RRP12: variants seen among roughly 807,000 people sequenced by gnomAD.
RRP12 encodes the protein ribosomal RNA processing 12 homolog.
RRP12 carries 78 observed loss-of-function variants against 157.3 expected under a neutral mutation model. The ratio of observed to expected loss-of-function variants is 0.50; its 90% CI spans 0.41 to 0.60. The LOEUF is 0.60. Among genes scored for constraint, RRP12 ranks in the 20% least tolerant of loss-of-function variants. RRP12 has a pLI of 0.00. For synonymous variants in RRP12, 726 were observed against 670.9 expected (o/e 1.08, Z -1.27); for missense variants, 1,521 against 1,679.9 (o/e 0.91, Z 1.65).
intron 3 of RRP12, 70 bp from the exon 4 acceptor site, chr10:97,393,830 G>T: frequency 7.9e-7 from 1 of 1,270,690 alleles, no homozygotes; most frequent in South Asian, 1.2e-5. Flanking sequence ...GAGAGTGGGG[G>T]AACATGTGCC....
At chr10:97,396,930 A>G (rs1844979600) in intron 2 of RRP12, among the ~76,000 whole-genome samples, 1 of 151,662 alleles carries the variant, frequency 6.6e-6, no homozygotes, top group Admixed American at 6.6e-5. Flanking sequence ...ATGCCCAGCT[A>G]ATTTCTGTAT....
rs767531906 is a variant in RRP12 at position 97,358,940 on chromosome 10, T to C, written c.3708+3A>G. On this transcript the variant is annotated splice_donor_region_variant and intron_variant, in intron 32 of 33. Coordinates refer to ENST00000370992, the MANE Select transcript of RRP12 (RefSeq NM_015179.4). ...GACCCCATGCCCTACATGCAGCACT[T>C]ACCTTGGCCTTGTATTCAGCCCCAG... is the stretch of plus-strand genomic sequence containing the variant. The C allele has an allele frequency of 1.2e-6, 2 of 1,612,810 alleles. No individual in the cohort carries two copies. Among genetic ancestry groups the C allele is most frequent in the Middle Eastern group, 3.3e-4 (2 of 6,062 alleles).
intron 25 of RRP12, 21 bp from the exon 26 acceptor site, chr10:97,367,153 C>T (rs954035338): frequency 1.2e-6 from 2 of 1,609,758 alleles, no homozygotes; most frequent in Non-Finnish European, 1.7e-6. Context: ...GAGCACCAGG[C>T]TTTCAGGGAG....
intron 8 of RRP12, 122 bp downstream of exon 8, chr10:97,388,129 GT>G: frequency 1.5e-6 from 2 of 1,321,056 alleles, no homozygotes. Flanking sequence ...AGTGCTGTTG[GT>G]TTTAGCTTAA....
intron 6 of RRP12, among the ~76,000 whole-genome samples, chr10:97,388,838 A>G (rs1844713890): frequency 6.6e-6 from 1 of 152,210 alleles, no homozygotes; most frequent in Non-Finnish European, 1.5e-5. Context: ...CTGCTCTACA[A>G]CTAACTCACC....
chr10:97,369,494 T>A lies in RRP12; in HGVS notation c.2886A>T (p.Ala962=). ...ASRTRDVVKS[A]LGFIKVAVTV... is the part of the protein sequence containing the mutation. ...TCACTGCCACCTTGATGAAGCCCAG[T>A]GCAGACTTGACCACGTCACGGGTGC... is the stretch of plus-strand genomic sequence containing the variant. Residue 962 remains alanine, a synonymous_variant, in exon 25 of 34, where the codon GCA becomes GCT. Transcript: ENST00000370992. 6.2e-7 allele frequency: 1 copy of A among 1,610,094 alleles called. No individual in the cohort carries two copies. Among genetic ancestry groups the A allele is most frequent in the Non-Finnish European group, 8.5e-7 (1 of 1,178,304 alleles).
Position 97,381,739 on chromosome 10 carries a change from C to T in RRP12, c.1296G>A (p.Leu432=), listed in dbSNP as rs1290338980. Reference sequence around the variant, plus strand: ...CCTTGAGGCTCTGCGTAGCAGCAGTCAGCACTTGCGAGTGTGGGGAAAGGA... The same window carrying T: ...CCTTGAGGCTCTGCGTAGCAGCAGTTAGCACTTGCGAGTGTGGGGAAAGGA... ...TCLLSPHSQV[L]TAATQSLKEI... is the part of the protein sequence containing the mutation. The change falls in exon 11 of 34, where the codon CTG becomes CTA. Residue 432 remains leucine (L), a synonymous_variant. Coordinates refer to ENST00000370992, the MANE Select transcript of RRP12 (RefSeq NM_015179.4). 6.2e-7 allele frequency: 1 copy of T among 1,614,142 alleles called. No individual in the cohort carries two copies. The highest frequency in any genetic ancestry group is 1.7e-5 in the Admixed American group (1 of 60,022).
chr10:97,379,836 C>T (rs559342210), intron 13 of RRP12, 66 bp from the exon 14 acceptor site: 264 of 1,501,028 alleles, frequency 1.8e-4, no homozygotes, highest in Non-Finnish European at 2.3e-4. Context: ...GACAAGACCC[C>T]GCTGAACGAT....
rs1844134189 is a variant in RRP12 at position 97,370,979 on chromosome 10, C to T, written c.2446G>A (p.Asp816Asn). Residue 816 changes from aspartate (D) to asparagine (N), a missense_variant, in exon 21 of 34, where the codon GAC becomes AAC. Asp to Asn is a conservative substitution (Grantham distance 23, BLOSUM62 1). Coordinates refer to ENST00000370992, the MANE Select transcript of RRP12 (RefSeq NM_015179.4). ...GALFVQSHLE[D>N]LKKTLLDSLR... ...GAGTCCAGCAGTGTCTTCTTCAGGT[C>T]CTCCAGGTGGCTCTGCACGAAGAGG... The T allele has an allele frequency of 2.5e-6, 4 of 1,614,038 alleles. No homozygotes were observed. The highest frequency in any genetic ancestry group is 3.4e-6 in the Non-Finnish European group (4 of 1,179,990).
chr10:97,367,712 C>T (rs566519506), intron 25 of RRP12, among the ~76,000 whole-genome samples: 11 of 152,238 alleles, frequency 7.2e-5, no homozygotes, highest in African/African-American at 2.4e-4. Flanking sequence ...ACTCCCAAAC[C>T]GGCTAGGGGA....
Position 97,373,112 on chromosome 10 carries a change from G to A in RRP12, c.2115C>T (p.Asp705=). 1.2e-6 allele frequency: 2 copies of A among 1,614,132 alleles called. No individual in the cohort carries two copies. Among genetic ancestry groups the A allele is most frequent in the Non-Finnish European group, 1.7e-6 (2 of 1,180,004 alleles). Residue 705 remains aspartate (D), a synonymous_variant, in exon 18 of 34, where the codon GAC becomes GAT. Coordinates refer to ENST00000370992, the MANE Select transcript of RRP12 (RefSeq NM_015179.4). The stretch of plus-strand genomic sequence containing the variant: ...GCACAGCCCGGCGAGGGGCTGGAGT[G>A]TCCCCGGCTGCCACGGGCTGCCCAT... ...NLYGQPVAAG[D]TPAPRRAVLE...
intron 31 of RRP12, among the ~76,000 whole-genome samples, chr10:97,359,610 A>G (rs1843792039): frequency 6.6e-6 from 1 of 152,230 alleles, no homozygotes; most frequent in Admixed American, 6.5e-5. Context: ...CTACCATGCC[A>G]GCTCAGGAGG....
In RRP12 at chr10:97,357,200, C is replaced by T. The variant is rs1056025157; in HGVS notation, c.3792-4G>A. 2.5e-6 allele frequency: 4 copies of T among 1,593,074 alleles called. No individual in the cohort carries two copies. Among genetic ancestry groups the T allele is most frequent in the South Asian group, 2.2e-5 (2 of 90,074 alleles). On this transcript the variant is annotated splice_region_variant and splice_polypyrimidine_tract_variant and intron_variant, in intron 33 of 33. Transcript: ENST00000370992. ...TCCCTGCAGCTTCATCTTCTTCCTG[C>T]AGGGCCAAGGAACGGAAGGGTCACA...
chr10:97,358,748 C>T, intron 32 of RRP12, 129 bp from the exon 33 acceptor site: 1 of 830,908 alleles, frequency 1.2e-6, no homozygotes, highest in East Asian at 2.4e-5. Flanking sequence ...CTCCTGTATC[C>T]TTGGAAGGCC....
chr10:97,372,052 C>T, intron 20 of RRP12, 21 bp downstream of exon 20: 2 of 1,586,776 alleles, frequency 1.3e-6, no homozygotes, highest in Non-Finnish European at 1.7e-6. Context: ...CTGTGTGGCG[C>T]TCCTGGCCCC....
chr10:97,400,872 C>A (rs1049115627), intron 1 of RRP12, among the ~76,000 whole-genome samples: 21 of 152,278 alleles, frequency 1.4e-4, no homozygotes, highest in African/African-American at 5.1e-4. Context: ...AACTCTGACA[C>A]CCGCGGTACC....
chr10:97,375,811 GA>G (rs1564757200), intron 15 of RRP12, among the ~76,000 whole-genome samples: 3 of 152,058 alleles, frequency 2.0e-5, no homozygotes. Flanking sequence ...TTTTTACACA[GA>G]AAAAAATGCA....
At position 97,388,311 on chromosome 10, in the gene RRP12, C is replaced by T. The variant is rs779680155; in HGVS notation, c.958G>A (p.Glu320Lys). 4 of 1,614,076 alleles carry T rather than the reference C, an allele frequency of 2.5e-6. No individual in the cohort carries two copies. The Admixed American group carries it at 5.0e-5, about 20-fold the overall frequency. Residue 320 changes from glutamate to lysine, a missense_variant, in exon 8 of 34, where the codon GAA becomes AAA. Glu to Lys is a moderately conservative substitution (Grantham distance 56, BLOSUM62 1). Coordinates refer to ENST00000370992, the MANE Select transcript of RRP12 (RefSeq NM_015179.4). ...LLKDLLPCFP[E>K]GLVKSCSETL... ...TCACTGCAGCTCTTCACCAGGCCTT[C>T]CGGGAAGCAGGGCAGCAGGTCCTTC... is the stretch of plus-strand genomic sequence containing the variant.
chr10:97,357,298 G>C, intron 33 of RRP12, 102 bp from the exon 34 acceptor site: 2 of 701,684 alleles, frequency 2.9e-6, no homozygotes, highest in South Asian at 3.7e-5. Flanking sequence ...GGGATGAGAA[G>C]GGGGCCTCCA....
Sources: allele counts gnomAD v4.1 joint callset (sites outside exome capture counted in the v4.1 genomes callset), GRCh38; gene constraint gnomAD v4.1.1; transcripts MANE v1.5; gene names NCBI Gene and HGNC (gene_info 2026-07-23, HGNC 2026-07-21).